Variants in CKAP4 observed in about 807,000 individuals in gnomAD.
The protein encoded by CKAP4 is cytoskeleton-associated protein 4.
CKAP4 carries 20 observed loss-of-function variants against 24.4 expected under a neutral mutation model. The ratio of observed to expected loss-of-function variants is 0.82; its 90% CI spans 0.58 to 1.19. The LOEUF (loss-of-function observed/expected upper bound fraction) is 1.19. CKAP4 is among the 50% of genes most tolerant of loss of function. The pLI, the probability that CKAP4 is intolerant of heterozygous loss-of-function variation, is 0.00. For synonymous variants in CKAP4, 378 were observed against 351.7 expected (o/e 1.07, Z -0.84); for missense variants, 744 against 765.3 (o/e 0.97, Z 0.33).
Position 106,239,230 on chromosome 12 carries a change from A to G in CKAP4, c.1603T>C (p.Ser535Pro). 6.2e-7 allele frequency: 1 copy of G among 1,614,074 alleles called. No homozygotes were observed. The change falls in exon 2 of 2, where the codon TCT (serine) becomes CCT (proline). Residue 535 changes from serine (S) to proline (P), a missense_variant. Ser to Pro is a moderately conservative substitution (Grantham distance 74, BLOSUM62 -1). Around this residue, in one of 3 missense-constraint regions of CKAP4, gnomAD observed 401 missense variants for 424.5 expected, o/e 0.94. Transcript: ENST00000378026. The surrounding 1 kb of genome is among the most constrained non-coding windows in gnomAD (Gnocchi z 4.9). ...PPQDFLDRLS[S>P]LDNLKASVSQ... is the part of the protein sequence containing the mutation. ...ACTGAGGCTTTCAGGTTGTCTAGAG[A>G]AGAAAGTCTGTCCAGGAAGTCCTGA...
At position 106,238,993 on chromosome 12, in the gene CKAP4, T is replaced by C. The variant is rs372580928; in HGVS notation, c.*31A>G. 1.3e-5 allele frequency: 20 copies of C among 1,595,942 alleles called. No homozygotes were observed. In the African/African-American group the frequency reaches 2.6e-4, roughly 20 times the overall value. On this transcript the variant is annotated 3_prime_UTR_variant, in exon 2 of 2. Coordinates refer to ENST00000378026, the MANE Select transcript of CKAP4 (RefSeq NM_006825.4). The stretch of plus-strand genomic sequence containing the variant: ...ATTTTTTGGTCATGAGAAATTGGAC[T>C]TTAAATCCGCGCCCTGCACACGCAA...
At chr12:106,241,045 C>G (rs553995647) in intron 1 of CKAP4, among the ~76,000 whole-genome samples, 2 of 152,186 alleles carry the variant, frequency 1.3e-5, no homozygotes, top group African/African-American at 4.8e-5. Context: ...CCAGGAGTGC[C>G]TTGAGCCTGG....
In CKAP4 at chr12:106,239,369, C is replaced by G; in HGVS notation, c.1464G>C (p.Glu488Asp). ...TQLVLYGDVE[E>D]LKRSVGELPS... The stretch of plus-strand genomic sequence containing the variant: ...GGAGCTCGCCCACACTCCTCTTCAG[C>G]TCCTCCACGTCACCGTAGAGCACCA... The change falls in exon 2 of 2, where the codon GAG (glutamate) becomes GAC (aspartate). Residue 488 changes from glutamate to aspartate, a missense_variant. This residue lies in a region of CKAP4 where 401 missense variants were observed against 424.5 expected (regional missense o/e 0.94). Coordinates refer to ENST00000378026, the MANE Select transcript of CKAP4 (RefSeq NM_006825.4). The surrounding 1 kb of genome is among the most constrained non-coding windows in gnomAD (Gnocchi z 4.9). 1.2e-6 allele frequency: 2 copies of G among 1,603,488 alleles called. No individual in the cohort carries two copies. The highest frequency in any genetic ancestry group is 1.7e-6 in the Non-Finnish European group (2 of 1,178,970).
rs1444913014 is a variant in CKAP4 at position 106,247,781 on chromosome 12, T to G, written c.71A>C (p.His24Pro). The G allele has an allele frequency of 3.8e-6, 4 of 1,054,378 alleles. No homozygotes were observed. In the South Asian group the frequency reaches 1.3e-4, roughly 34 times the overall value. The allele number at this position is 1,054,378 out of a possible 1,614,324, so 65.3% of individuals were successfully genotyped here. The change falls in exon 1 of 2, where the codon CAC (histidine) becomes CCC (proline). Residue 24 changes from histidine to proline, a missense_variant. Coordinates refer to ENST00000378026, the MANE Select transcript of CKAP4 (RefSeq NM_006825.4). The surrounding 1 kb of genome is among the most constrained non-coding windows in gnomAD (Gnocchi z 4.5). ...GAASPSEKGA[H>P]PSGGADDVAK... ...CACGTCATCCGCGCCGCCCGACGGG[T>G]GGGCACCCTTCTCCGAGGGGCTCGC... is the stretch of plus-strand genomic sequence containing the variant.
chr12:106,239,629 G>T lies in CKAP4; in HGVS notation c.1204C>A (p.Leu402Ile). The change falls in exon 2 of 2, where the codon CTC becomes ATC. Residue 402 changes from leucine (L) to isoleucine (I), a missense_variant. Around this residue, in one of 3 missense-constraint regions of CKAP4, gnomAD observed 401 missense variants for 424.5 expected, o/e 0.94. Coordinates refer to ENST00000378026, the MANE Select transcript of CKAP4 (RefSeq NM_006825.4). The surrounding 1 kb of genome is among the most constrained non-coding windows in gnomAD (Gnocchi z 4.9). ...TCCAGTCCCTGACTCTTTTGCTGGA[G>T]TGCCTCAAAGGCTTCCGAGTGTCTG... ...GFRHSEAFEA[L>I]QQKSQGLDSR... 6.2e-7 allele frequency: 1 copy of T among 1,614,198 alleles called. No individual in the cohort carries two copies. Among genetic ancestry groups the T allele is most frequent in the Non-Finnish European group, 8.5e-7 (1 of 1,180,040 alleles).
At chr12:106,243,880 C>A (rs2033987019) in intron 1 of CKAP4, among the ~76,000 whole-genome samples, 1 of 152,216 alleles carries the variant, frequency 6.6e-6, no homozygotes, top group African/African-American at 2.4e-5. Context: ...ATACCTGCCT[C>A]AGAGGGTGGC....
In CKAP4 at chr12:106,238,827, T is replaced by C. The variant is rs914453442; in HGVS notation, c.*197A>G. On this transcript the variant is annotated 3_prime_UTR_variant, in exon 2 of 2. Transcript: ENST00000378026. ...GCTGCGCTTCAGGAAACCAACCAAATGCAGAAGCAGAGAACTTAAATATTG... is the reference window on the plus strand; with the variant it reads ...GCTGCGCTTCAGGAAACCAACCAAACGCAGAAGCAGAGAACTTAAATATTG... 2.1e-5 allele frequency: 13 copies of C among 624,744 alleles called. No homozygotes were observed. Among genetic ancestry groups the C allele is most frequent in the Non-Finnish European group, 3.3e-5 (12 of 363,302 alleles). 38.7% of individuals were successfully genotyped at this position (624,744 alleles called of 1,614,324 possible).
In CKAP4 at chr12:106,247,659, C is replaced by A; in HGVS notation, c.193G>T (p.Gly65Cys). 1 of 1,103,488 alleles carries A rather than the reference C, an allele frequency of 9.1e-7. No homozygotes were observed. 68.4% of individuals were successfully genotyped at this position (1,103,488 alleles called of 1,614,324 possible). Residue 65 changes from glycine to cysteine, a missense_variant, in exon 1 of 2, where the codon GGC becomes TGC. By Grantham distance (159) the Gly-to-Cys change is radical. Around this residue, in one of 3 missense-constraint regions of CKAP4, gnomAD observed 300 missense variants for 264.5 expected, o/e 1.13. Coordinates refer to ENST00000378026, the MANE Select transcript of CKAP4 (RefSeq NM_006825.4). This position sits in a 1 kb window ranked among gnomAD's most constrained non-coding sequence, Gnocchi z 4.5. Reference sequence around the variant, plus strand: ...CCGCCGCCGCGGTGGCCGCCCTTGCCGTGCGCCTGGTTCTGCGGGTGCTGC... The same window carrying A: ...CCGCCGCCGCGGTGGCCGCCCTTGCAGTGCGCCTGGTTCTGCGGGTGCTGC... ...PQQHPQNQAH[G>C]KGGHRGGGGG...
chr12:106,246,465 G>A (rs571880890), intron 1 of CKAP4, among the ~76,000 whole-genome samples: 2 of 152,154 alleles, frequency 1.3e-5, no homozygotes, highest in African/African-American at 4.8e-5. Flanking sequence ...AAGTAGGGCC[G>A]GGCGCAGTGG....
intron 1 of CKAP4, among the ~76,000 whole-genome samples, chr12:106,244,662 T>C (rs1209548418): frequency 6.6e-6 from 1 of 152,134 alleles, no homozygotes; most frequent in African/African-American, 2.4e-5. Context: ...TGCTTGTGCA[T>C]GCCTGTGGTC....
At chr12:106,243,989 A>G (rs1362951279) in intron 1 of CKAP4, among the ~76,000 whole-genome samples, 1 of 152,212 alleles carries the variant, frequency 6.6e-6, no homozygotes, top group Non-Finnish European at 1.5e-5. Context: ...CCTGCTATGA[A>G]CCAAACTCCA....
At chr12:106,240,644 G>A (rs2033961552) in intron 1 of CKAP4, among the ~76,000 whole-genome samples, 1 of 149,146 alleles carries the variant, frequency 6.7e-6, no homozygotes, top group African/African-American at 2.5e-5. Flanking sequence ...GGTGGCACAT[G>A]GTGCCACCTT....
intron 1 of CKAP4, among the ~76,000 whole-genome samples, chr12:106,242,311 A>G (rs1196103029): frequency 6.6e-6 from 1 of 152,240 alleles, no homozygotes; most frequent in Non-Finnish European, 1.5e-5. Flanking sequence ...TTTCTTCTGA[A>G]GCACCTGGTA....
chr12:106,247,484 G>A lies in CKAP4; in HGVS notation c.368C>T (p.Ser123Leu), dbSNP rs2034022780. The A allele has an allele frequency of 3.2e-6, 5 of 1,545,524 alleles. No homozygotes were observed. Among genetic ancestry groups the A allele is most frequent in the South Asian group, 1.2e-5 (1 of 84,246 alleles). The change falls in exon 1 of 2, where the codon TCG (serine) becomes TTG (leucine). Residue 123 changes from serine to leucine, a missense_variant. By Grantham distance (145) the Ser-to-Leu change is moderately radical (BLOSUM62 -2). This residue lies in a region of CKAP4 where 300 missense variants were observed against 264.5 expected (regional missense o/e 1.13). Coordinates refer to ENST00000378026, the MANE Select transcript of CKAP4 (RefSeq NM_006825.4). The surrounding 1 kb of genome is among the most constrained non-coding windows in gnomAD (Gnocchi z 4.5). ...YLALVAAAAF[S>L]GWCVHHVLEE... is the part of the protein sequence containing the mutation. ...CAGGACGTGGTGGACGCACCAGCCC[G>A]AGAAAGCGGCCGCCGCCACCAGGGC...
chr12:106,243,631 T>C (rs2033985073), intron 1 of CKAP4, among the ~76,000 whole-genome samples: 1 of 152,244 alleles, frequency 6.6e-6, no homozygotes, highest in African/African-American at 2.4e-5. Flanking sequence ...CAACACTTTC[T>C]GAAGCCCAGG....
chr12:106,239,892 A>T lies in CKAP4; in HGVS notation c.941T>A (p.Leu314His). ...GTAGATGTCAGACTCCATAGTCTGAAGGGTACTTCTCAGGGCCTCCATGTC... is the reference window on the plus strand; with the variant it reads ...GTAGATGTCAGACTCCATAGTCTGATGGGTACTTCTCAGGGCCTCCATGTC... ...EWDMEALRST[L>H]QTMESDIYTE... Residue 314 changes from leucine to histidine, a missense_variant, in exon 2 of 2, where the codon CTT (leucine) becomes CAT (histidine). Leu to His is a moderately conservative substitution (Grantham distance 99). Coordinates refer to ENST00000378026, the MANE Select transcript of CKAP4 (RefSeq NM_006825.4). The surrounding 1 kb of genome is among the most constrained non-coding windows in gnomAD (Gnocchi z 4.9). The T allele has an allele frequency of 6.2e-7, 1 of 1,611,582 alleles. No individual in the cohort carries two copies. The highest frequency in any genetic ancestry group is 8.5e-7 in the Non-Finnish European group (1 of 1,179,014).
Position 106,238,940 on chromosome 12 carries a change from G to A in CKAP4, c.*84C>T, listed in dbSNP as rs146985761. 309 of 1,464,080 alleles carry A rather than the reference G, an allele frequency of 2.1e-4. 2 individuals carry two copies. The East Asian group carries it at 6.6e-3, about 31-fold the overall frequency. 90.7% of individuals were successfully genotyped at this position (1,464,080 alleles called of 1,614,324 possible). ...TTAAGAGGGGACAAGAAATTGGGGG[G>A]TAGGGGACACATGGGAAAAAACCAC... On this transcript the variant is annotated 3_prime_UTR_variant, in exon 2 of 2. Transcript: ENST00000378026.
At chr12:106,245,874 C>A (rs528225242) in intron 1 of CKAP4, among the ~76,000 whole-genome samples, 4 of 151,972 alleles carry the variant, frequency 2.6e-5, no homozygotes, top group African/African-American at 9.7e-5. Context: ...GGATTACAGG[C>A]GTGAGCCACC....
Position 106,237,981 on chromosome 12 carries a change from T to G in CKAP4, c.*1043A>C, listed in dbSNP as rs1292883435. On this transcript the variant is annotated 3_prime_UTR_variant, in exon 2 of 2. Transcript: ENST00000378026. ...TAAACAAAACTTTTTTTTTTTTTTTTTACTTTTCGGGTTTTTTTTTTTTTT... is the reference window on the plus strand; with the variant it reads ...TAAACAAAACTTTTTTTTTTTTTTTGTACTTTTCGGGTTTTTTTTTTTTTT... 1.3e-5 allele frequency: 2 copies of G among 148,382 alleles called. No homozygotes were observed. The highest frequency in any genetic ancestry group is 3.0e-5 in the Non-Finnish European group (2 of 67,402). 9.2% of individuals were successfully genotyped at this position (148,382 alleles called of 1,614,324 possible). A position where few individuals can be genotyped will look rare whatever the true frequency, so the allele number is the denominator to read the frequency against.
Sources: gnomAD v4.1 joint callset for allele counts (sites outside exome capture counted in the v4.1 genomes callset) on GRCh38, gnomAD v4.1.1 for gene constraint, gnomAD v4.1.1 regional missense constraint, Gnocchi (gnomAD v3.1) non-coding constraint, MANE v1.5 for transcripts, NCBI Gene and HGNC (gene_info 2026-07-23, HGNC 2026-07-21) for gene names.